The following PCDHGB7 variants were observed in gnomAD, a reference collection of about 807,000 sequenced individuals.
PCDHGB7 encodes the protein protocadherin gamma-B7.
Under a neutral mutation model 61.4 loss-of-function variants are expected in PCDHGB7, and 37 were observed. The observed-to-expected ratio is 0.60, with a 90% confidence interval of 0.46 to 0.79. The LOEUF is 0.79. Ranked by LOEUF, PCDHGB7 falls within the 30% of genes least tolerant of loss-of-function variation. PCDHGB7 has a pLI of 0.00. For synonymous variants in PCDHGB7, 464 were observed against 503.5 expected (o/e 0.92, Z 1.05); for missense variants, 1,166 against 1,202.5 (o/e 0.97, Z 0.45).
At chr5:141,421,325 G>T in intron 1 of PCDHGB7, 1 of 1,613,906 alleles carries the variant, frequency 6.2e-7, no homozygotes, top group Non-Finnish European at 8.5e-7. Flanking sequence ...AGGCAGATCC[G>T]ATATTCGGTG....
intron 1 of PCDHGB7, chr5:141,422,532 A>G (rs752364905): frequency 6.2e-7 from 1 of 1,614,030 alleles, no homozygotes; most frequent in South Asian, 1.1e-5. Flanking sequence ...CTTTGTCTGC[A>G]GAAACTCATG....
chr5:141,421,277 T>C (rs761435958), intron 1 of PCDHGB7: 2 of 1,612,826 alleles, frequency 1.2e-6, no homozygotes, highest in Non-Finnish European at 1.7e-6. Flanking sequence ...CTGCTGCTGC[T>C]GTGCATTTTC....
rs1554116833 is a variant in PCDHGB7, at chr5:141,423,756, G to GGT, written c.2415+3483_2415+3484insTG. 2.2e-4 allele frequency: 100 copies of GGT among 448,536 alleles called. 2 individuals carry two copies. The highest frequency in any genetic ancestry group is 2.1e-3 in the African/African-American group (74 of 35,668). The allele number at this position is 448,536 out of a possible 1,614,324, so 27.8% of individuals were successfully genotyped here. On this transcript the variant is annotated intron_variant, in intron 1 of 3. Coordinates refer to ENST00000398594, the MANE Select transcript of PCDHGB7 (RefSeq NM_018927.4). ...GCCTGTTATGAAAACTGTTTGGGGG[G>GGT]GGGGTGGGGCGGCATATATTTAGTT...
chr5:141,501,836 T>G (rs2099811283), intron 2 of PCDHGB7, among the ~76,000 whole-genome samples: 1 of 152,136 alleles, frequency 6.6e-6, no homozygotes, highest in Non-Finnish European at 1.5e-5. Context: ...CCCACCTGTT[T>G]GGCCCTCAAC....
At chr5:141,438,591 CATATATAT>C (rs946798767) in intron 1 of PCDHGB7, among the ~76,000 whole-genome samples, 35 of 75,562 alleles carry the variant, frequency 4.6e-4, no homozygotes, top group South Asian at 1.0e-3. Flanking sequence ...TACATACATA[CATATATAT>C]ATATATATAT....
intron 1 of PCDHGB7, among the ~76,000 whole-genome samples, chr5:141,492,167 C>T (rs565536989): frequency 6.6e-6 from 1 of 152,344 alleles, no homozygotes; most frequent in East Asian, 1.9e-4. Context: ...CCTATCCCCG[C>T]ATCACCCAAC....
intron 1 of PCDHGB7, chr5:141,422,879 T>A: frequency 6.2e-7 from 1 of 1,614,240 alleles, no homozygotes; most frequent in Non-Finnish European, 8.5e-7. Context: ...TCGCTGAGCC[T>A]GTTCGTGCTG....
chr5:141,430,930 G>A, intron 1 of PCDHGB7: 2 of 1,607,320 alleles, frequency 1.2e-6, no homozygotes, highest in Non-Finnish European at 1.7e-6. Context: ...TGGAGCCCCG[G>A]GAGCTCGCGG....
chr5:141,448,232 T>A (rs917554207), intron 1 of PCDHGB7, among the ~76,000 whole-genome samples: 1 of 152,094 alleles, frequency 6.6e-6, no homozygotes, highest in Admixed American at 6.6e-5. Context: ...ATGTGTGGGG[T>A]TTTCTTTGCA....
chr5:141,481,427 T>C lies in PCDHGB7; in HGVS notation c.2416-13380T>C, dbSNP rs79272909. Reference sequence around the variant, plus strand: ...TTGTATAATTAGATTGTGATGATGATTGTATCAGTTTAGTACATGTAAATA... The same window carrying C: ...TTGTATAATTAGATTGTGATGATGACTGTATCAGTTTAGTACATGTAAATA... On this transcript the variant is annotated intron_variant, in intron 1 of 3. Transcript: ENST00000398594. Among the ~76,000 whole-genome samples the C allele has an allele frequency of 6.0e-3, 907 of 152,334 alleles. 5 individuals are homozygous for C. Among genetic ancestry groups the C allele is most frequent in the African/African-American group, 0.02 (840 of 41,578 alleles).
intron 1 of PCDHGB7, among the ~76,000 whole-genome samples, chr5:141,480,187 T>TGAGGCCAGCAGTTC (rs2099513839): frequency 6.6e-6 from 1 of 151,380 alleles, no homozygotes; most frequent in Admixed American, 6.6e-5. Context: ...GCGGATTGCT[T>TGAGGCCAGCAGTTC]GAGGCCAGCA....
Position 141,419,567 on chromosome 5 carries a change from G to A in PCDHGB7, c.1708G>A (p.Asp570Asn). Residue 570 changes from aspartate to asparagine, a missense_variant, in exon 1 of 4, where the codon GAC becomes AAC. Asp to Asn is a conservative substitution (Grantham distance 23). Coordinates refer to ENST00000398594, the MANE Select transcript of PCDHGB7 (RefSeq NM_018927.4). ...GGTGCTGTACCCTGCGCTGGGTCCC[G>A]ACGGCTCCGCGCTCTTCGACACAGT... ...PRVLYPALGP[D>N]GSALFDTVPR... is the part of the protein sequence containing the mutation. 1 of 1,611,758 alleles carries A rather than the reference G, an allele frequency of 6.2e-7. No individual in the cohort carries two copies. The highest frequency in any genetic ancestry group is 8.5e-7 in the Non-Finnish European group (1 of 1,179,448).
chr5:141,428,430 GA>G, intron 1 of PCDHGB7: 1 of 421,748 alleles, frequency 2.4e-6, no homozygotes. Flanking sequence ...TCTGTTCTAA[GA>G]CTAGACCAGG....
At chr5:141,422,891 A>G in intron 1 of PCDHGB7, 3 of 1,614,192 alleles carry the variant, frequency 1.9e-6, no homozygotes, top group Non-Finnish European at 2.5e-6. Context: ...TTCGTGCTGG[A>G]CCAGAACGAC....
In PCDHGB7 at chr5:141,489,523, C is replaced by CT. The variant is rs1379784656; in HGVS notation, c.2416-5283dup. On this transcript the variant is annotated intron_variant, in intron 1 of 3. Coordinates refer to ENST00000398594, the MANE Select transcript of PCDHGB7 (RefSeq NM_018927.4). The surrounding 1 kb of genome is among the most constrained non-coding windows in gnomAD (Gnocchi z 4.5). ...GAATCAAAAGATTGACCGAGAAAGC[C>CT]TATGTGGAGCCAGCACCAGCTGCCT... 1 of 1,614,006 alleles carries CT rather than the reference C, an allele frequency of 6.2e-7. No homozygotes were observed. Among genetic ancestry groups the CT allele is most frequent in the Non-Finnish European group, 8.5e-7 (1 of 1,180,044 alleles).
intron 1 of PCDHGB7, chr5:141,430,977 A>G (rs761722055): frequency 1.2e-5 from 20 of 1,613,408 alleles, no homozygotes; most frequent in Middle Eastern, 1.7e-4. Flanking sequence ...GGTAGGACGC[A>G]GCTTTTCGCC....
At chr5:141,459,710 C>T (rs2098973565) in intron 1 of PCDHGB7, among the ~76,000 whole-genome samples, 1 of 152,204 alleles carries the variant, frequency 6.6e-6, no homozygotes, top group Non-Finnish European at 1.5e-5. Flanking sequence ...CATTTTCTCA[C>T]CAATGCTTCC....
At chr5:141,421,788 G>C (rs1262781272) in intron 1 of PCDHGB7, 7 of 1,613,682 alleles carry the variant, frequency 4.3e-6, no homozygotes, top group Admixed American at 3.3e-5. Flanking sequence ...GGGGCAGAAC[G>C]GATGGGGCCA....
chr5:141,479,269 A>C (rs1279389471), intron 1 of PCDHGB7: 1 of 152,374 alleles, frequency 6.6e-6, no homozygotes, highest in Non-Finnish European at 1.5e-5. Context: ...TAAAAGTAAT[A>C]ATTTATTTCA....
Sources: allele counts gnomAD v4.1 joint callset (sites outside exome capture counted in the v4.1 genomes callset), GRCh38; gene constraint gnomAD v4.1.1; non-coding constraint Gnocchi (gnomAD v3.1); transcripts MANE v1.5; gene names NCBI Gene and HGNC (gene_info 2026-07-23, HGNC 2026-07-21).